PDZRN3: variants seen among roughly 807,000 people sequenced by gnomAD.
The protein encoded by PDZRN3 is PDZ domain containing ring finger 3.
PDZRN3 carries 38 observed loss-of-function variants against 85.7 expected under a neutral mutation model. That is an observed-to-expected ratio of 0.44 (90% CI 0.34 to 0.58). The LOEUF (loss-of-function observed/expected upper bound fraction) is 0.58, where lower values mean the gene tolerates loss of function less well. PDZRN3 is among the 20% of genes least tolerant of loss of function. The probability of loss-of-function intolerance (pLI) is 0.01; values close to 1 mark genes in which losing one functional copy is unlikely to be tolerated. For synonymous variants in PDZRN3, 759 were observed against 638.0 expected (o/e 1.19, Z -2.86); for missense variants, 1,629 against 1,506.4 (o/e 1.08, Z -1.35).
At chr3:73,593,386 AC>A (rs1310060285) in intron 3 of PDZRN3, among the ~76,000 whole-genome samples, 1 of 152,160 alleles carries the variant, frequency 6.6e-6, no homozygotes, top group African/African-American at 2.4e-5. Context: ...ACTTTGAGGG[AC>A]AGATTTAAAA....
intron 3 of PDZRN3, among the ~76,000 whole-genome samples, chr3:73,495,879 A>C (rs566164772): frequency 6.6e-6 from 1 of 152,330 alleles, no homozygotes; most frequent in African/African-American, 2.4e-5. Flanking sequence ...TCTTTAAGGA[A>C]GGTTGCCTAA....
chr3:73,574,982 G>C (rs952417283), intron 3 of PDZRN3, among the ~76,000 whole-genome samples: 1 of 152,138 alleles, frequency 6.6e-6, no homozygotes, highest in Admixed American at 6.6e-5. Context: ...TCATTCCTTT[G>C]AAGTGTTGTA....
chr3:73,469,605 C>A (rs1360082980), intron 3 of PDZRN3, among the ~76,000 whole-genome samples: 1 of 152,180 alleles, frequency 6.6e-6, no homozygotes, highest in African/African-American at 2.4e-5. Flanking sequence ...ACGTTTAAAG[C>A]CTGACCCAAA....
chr3:73,544,472 T>G (rs1701372081), intron 3 of PDZRN3, among the ~76,000 whole-genome samples: 1 of 150,268 alleles, frequency 6.7e-6, no homozygotes, highest in African/African-American at 2.4e-5. Flanking sequence ...AAAAATAATT[T>G]AAGGTATGCT....
chr3:73,560,022 G>A (rs1437419671), intron 3 of PDZRN3, among the ~76,000 whole-genome samples: 2 of 152,206 alleles, frequency 1.3e-5, no homozygotes, highest in African/African-American at 2.4e-5. Flanking sequence ...TAATTAGCAT[G>A]GGTTATGTTA....
At chr3:73,573,129 C>A (rs533190000) in intron 3 of PDZRN3, among the ~76,000 whole-genome samples, 1 of 152,310 alleles carries the variant, frequency 6.6e-6, no homozygotes, top group Admixed American at 6.5e-5. Context: ...AAGGGCCTCT[C>A]TGAGGTCCTA....
At chr3:73,458,921 G>C (rs1212313956) in intron 3 of PDZRN3, among the ~76,000 whole-genome samples, 1 of 151,650 alleles carries the variant, frequency 6.6e-6, no homozygotes, top group East Asian at 1.9e-4. Flanking sequence ...CAACCCGGGA[G>C]GTGGAGGTTG....
intron 2 of PDZRN3, among the ~76,000 whole-genome samples, chr3:73,603,263 C>T (rs1702542046): frequency 6.6e-6 from 1 of 152,206 alleles, no homozygotes; most frequent in African/African-American, 2.4e-5. Flanking sequence ...ATTCTGATCT[C>T]TGACCTCCTT....
intron 3 of PDZRN3, among the ~76,000 whole-genome samples, chr3:73,544,725 T>G (rs1228507628): frequency 6.6e-6 from 1 of 152,028 alleles, no homozygotes; most frequent in African/African-American, 2.4e-5. Flanking sequence ...ACTGAGCTGA[T>G]GAGATGCCCT....
intron 3 of PDZRN3, among the ~76,000 whole-genome samples, chr3:73,551,946 A>G (rs1701569304): frequency 6.6e-6 from 1 of 152,170 alleles, no homozygotes; most frequent in African/African-American, 2.4e-5. Context: ...AGTAATTCTC[A>G]ATGCCACACT....
At chr3:73,492,624 C>T (rs1194211742) in intron 3 of PDZRN3, among the ~76,000 whole-genome samples, 1 of 152,188 alleles carries the variant, frequency 6.6e-6, no homozygotes, top group Non-Finnish European at 1.5e-5. Flanking sequence ...AGCAGAGAAG[C>T]ACCCAAGGAG....
intron 3 of PDZRN3, among the ~76,000 whole-genome samples, chr3:73,431,663 G>A (rs1228905369): frequency 6.6e-6 from 1 of 152,206 alleles, no homozygotes; most frequent in African/African-American, 2.4e-5. Context: ...TAATGGGTCT[G>A]AAAAGTAGTT....
chr3:73,393,718 G>A (rs767092718), intron 5 of PDZRN3, among the ~76,000 whole-genome samples: 32 of 152,176 alleles, frequency 2.1e-4, no homozygotes, highest in Non-Finnish European at 4.0e-4. Flanking sequence ...GAGTATTTTC[G>A]TTCCTTGCTT....
At chr3:73,541,648 G>T (rs1438000034) in intron 3 of PDZRN3, among the ~76,000 whole-genome samples, 1 of 152,160 alleles carries the variant, frequency 6.6e-6, no homozygotes, top group Non-Finnish European at 1.5e-5. Flanking sequence ...ATATATACAT[G>T]TTGGACTTCT....
chr3:73,404,470 G>A, intron 3 of PDZRN3, 75 bp from the exon 4 acceptor site: 2 of 1,436,686 alleles, frequency 1.4e-6, no homozygotes, highest in South Asian at 1.3e-5. Flanking sequence ...TGAATTGCCT[G>A]CTTTCATGTG....
chr3:73,588,241 C>T (rs1246781447), intron 3 of PDZRN3, among the ~76,000 whole-genome samples: 3 of 152,138 alleles, frequency 2.0e-5, no homozygotes, highest in Non-Finnish European at 4.4e-5. Context: ...GCTTCATCCA[C>T]GTCCCTGCAA....
chr3:73,585,438 T>C (rs1180753303), intron 3 of PDZRN3, among the ~76,000 whole-genome samples: 1 of 152,138 alleles, frequency 6.6e-6, no homozygotes. Context: ...TTTACTACAA[T>C]AGGCTTTAAA....
intron 3 of PDZRN3, among the ~76,000 whole-genome samples, chr3:73,444,111 T>C (rs1311054345): frequency 2.0e-5 from 3 of 152,192 alleles, no homozygotes; most frequent in Non-Finnish European, 4.4e-5. Context: ...TGCTTGGGTC[T>C]GCTTTGTGAC....
At chr3:73,503,180 TTAAAC>T (rs1392855691) in intron 3 of PDZRN3, among the ~76,000 whole-genome samples, 1 of 152,214 alleles carries the variant, frequency 6.6e-6, no homozygotes. Context: ...TTAAAAGAAA[TTAAAC>T]TAGTTTTAGA....
Sources: gnomAD v4.1 joint callset for allele counts (sites outside exome capture counted in the v4.1 genomes callset) on GRCh38, gnomAD v4.1.1 for gene constraint, MANE v1.5 for transcripts, NCBI Gene and HGNC (gene_info 2026-07-23, HGNC 2026-07-21) for gene names.